Variants in FHIT observed in about 807,000 individuals in gnomAD.
The protein encoded by FHIT is fragile histidine triad diadenosine triphosphatase, also known as bis(5'-adenosyl)-triphosphatase.
Under a neutral mutation model 17.9 loss-of-function variants are expected in FHIT, and 19 were observed. That is an observed-to-expected ratio of 1.06 (90% CI 0.74 to 1.56). The LOEUF (loss-of-function observed/expected upper bound fraction) is 1.56, where lower values mean the gene tolerates loss of function less well. Among genes scored for constraint, FHIT ranks in the 40% most tolerant of loss-of-function variants. FHIT has a pLI of 0.00. For missense variants in FHIT, 248 were observed against 189.2 expected (o/e 1.31, Z -1.82); for synonymous variants, 81 against 69.7 (o/e 1.16, Z -0.81).
chr3:60,432,371 T>C (rs560691538), intron 5 of FHIT, among the ~76,000 whole-genome samples: 9 of 152,186 alleles, frequency 5.9e-5, no homozygotes, highest in East Asian at 1.9e-4. Flanking sequence ...TTGGACCTAA[T>C]CTAGATAGCT....
intron 7 of FHIT, among the ~76,000 whole-genome samples, chr3:59,989,472 A>G (rs1709131182): frequency 6.6e-6 from 1 of 152,088 alleles, no homozygotes; most frequent in South Asian, 2.1e-4. Flanking sequence ...TGAGTTCAGA[A>G]GTGACCATGG....
chr3:60,876,013 T>G (rs782711363), intron 3 of FHIT, among the ~76,000 whole-genome samples: 2 of 150,006 alleles, frequency 1.3e-5, no homozygotes, highest in African/African-American at 2.4e-5. Flanking sequence ...CAGGCCTCAA[T>G]GCAATCAGAG....
chr3:60,055,023 A>C (rs1425163895), intron 5 of FHIT, among the ~76,000 whole-genome samples: 1 of 152,194 alleles, frequency 6.6e-6, no homozygotes, highest in African/African-American at 2.4e-5. Context: ...GTTGCCCAAC[A>C]CAGGAAAAAA....
chr3:60,377,772 C>A (rs370985000), intron 5 of FHIT, among the ~76,000 whole-genome samples: 1 of 151,868 alleles, frequency 6.6e-6, no homozygotes, highest in Non-Finnish European at 1.5e-5. Context: ...TGAGCCACCG[C>A]GCCCGGCCCA....
chr3:60,247,582 T>C (rs558944222), intron 5 of FHIT, among the ~76,000 whole-genome samples: 2 of 152,150 alleles, frequency 1.3e-5, no homozygotes, highest in Non-Finnish European at 1.5e-5. Flanking sequence ...AGTAATCTTA[T>C]CTTAAAGTTC....
At chr3:60,087,606 C>T (rs1049688692) in intron 5 of FHIT, among the ~76,000 whole-genome samples, 1 of 152,158 alleles carries the variant, frequency 6.6e-6, no homozygotes, top group African/African-American at 2.4e-5. Context: ...CCACCAGATA[C>T]CCCACCCTCA....
In FHIT at chr3:60,627,000, T is replaced by C. The variant is rs542696475; in HGVS notation, c.-17-90021A>G. The stretch of plus-strand genomic sequence containing the variant: ...TATTGATATGCTATATTACATTTAT[T>C]AGTTTTCATATGTTAAAATGATCTT... On this transcript the variant is annotated intron_variant, in intron 4 of 9. Coordinates refer to ENST00000492590, the MANE Select transcript of FHIT (RefSeq NM_002012.4). 3.3e-5 allele frequency among the ~76,000 whole-genome samples: 5 copies of C among 152,250 alleles called. No individual in the cohort carries two copies. The East Asian group carries it at 9.6e-4, about 29-fold the overall frequency.
intron 3 of FHIT, among the ~76,000 whole-genome samples, chr3:61,014,867 C>T (rs1267200804): frequency 3.1e-5 from 4 of 130,642 alleles, no homozygotes; most frequent in East Asian, 4.4e-4. Flanking sequence ...TATATATATG[C>T]ATGTATATAT....
At chr3:59,905,035 C>T (rs758816406) in intron 8 of FHIT, among the ~76,000 whole-genome samples, 5 of 152,236 alleles carry the variant, frequency 3.3e-5, no homozygotes, top group Non-Finnish European at 7.3e-5. Flanking sequence ...TCAATCCAGT[C>T]TGAGGATTTA....
intron 2 of FHIT, among the ~76,000 whole-genome samples, chr3:61,067,917 G>A (rs577375278): frequency 2.6e-5 from 4 of 152,222 alleles, no homozygotes; most frequent in Admixed American, 2.6e-4. Context: ...TTTGTTCTGG[G>A]CAGCTATATT....
intron 3 of FHIT, among the ~76,000 whole-genome samples, chr3:60,898,569 C>T (rs1419576686): frequency 6.6e-6 from 1 of 152,168 alleles, no homozygotes; most frequent in Non-Finnish European, 1.5e-5. Flanking sequence ...TGCAAAAGCA[C>T]CAGATAAGCA....
At chr3:60,496,651 G>C (rs867597329) in intron 5 of FHIT, among the ~76,000 whole-genome samples, 2 of 152,114 alleles carry the variant, frequency 1.3e-5, no homozygotes, top group Non-Finnish European at 1.5e-5. Context: ...ATTCTACAGA[G>C]AGACTCACCA....
At chr3:60,657,269 G>A (rs1229233253) in intron 4 of FHIT, among the ~76,000 whole-genome samples, 1 of 152,148 alleles carries the variant, frequency 6.6e-6, no homozygotes, top group East Asian at 1.9e-4. Context: ...TCAGCAATTG[G>A]AGGGCAAAAC....
At chr3:60,029,879 TTGTGTGTGTGTGTGTGTCTGTGTG>T (rs1407856354) in intron 5 of FHIT, among the ~76,000 whole-genome samples, 2 of 131,484 alleles carry the variant, frequency 1.5e-5, no homozygotes, top group South Asian at 5.4e-4. Context: ...CATAGAAGCA[TTGTGTGTGTGTGTGTGTCTGTGTG>T]TGTGTGTGTG....
intron 5 of FHIT, among the ~76,000 whole-genome samples, chr3:60,282,218 T>C (rs1036543963): frequency 1.3e-5 from 2 of 152,208 alleles, no homozygotes; most frequent in African/African-American, 4.8e-5. Flanking sequence ...GGGAAGCTTA[T>C]AGAAACTTTA....
intron 4 of FHIT, among the ~76,000 whole-genome samples, chr3:60,692,090 T>A (rs1167815687): frequency 6.6e-6 from 1 of 152,180 alleles, no homozygotes; most frequent in East Asian, 1.9e-4. Flanking sequence ...CTAATTTCCA[T>A]CCTCTAGCAG....
intron 5 of FHIT, among the ~76,000 whole-genome samples, chr3:60,248,001 T>C (rs1313539814): frequency 3.9e-5 from 6 of 152,142 alleles, no homozygotes; most frequent in Admixed American, 3.9e-4. Context: ...CCTTCAAAAA[T>C]GAATATGCAA....
intron 5 of FHIT, among the ~76,000 whole-genome samples, chr3:60,194,600 C>A (rs936407900): frequency 2.0e-5 from 3 of 152,018 alleles, no homozygotes; most frequent in Non-Finnish European, 4.4e-5. Flanking sequence ...CCTAATTAAA[C>A]TAAAAAGCTT....
At chr3:60,196,544 G>A (rs1273760144) in intron 5 of FHIT, among the ~76,000 whole-genome samples, 2 of 152,116 alleles carry the variant, frequency 1.3e-5, no homozygotes, top group South Asian at 2.1e-4. Flanking sequence ...ATTTGGTCAT[G>A]TAAGGTAACA....
Sources: gnomAD v4.1 joint callset for allele counts (sites outside exome capture counted in the v4.1 genomes callset) on GRCh38, gnomAD v4.1.1 for gene constraint, MANE v1.5 for transcripts, NCBI Gene and HGNC (gene_info 2026-07-23, HGNC 2026-07-21) for gene names.